CPNE5: variants seen among roughly 807,000 people sequenced by gnomAD.
CPNE5 encodes the protein copine-5.
CPNE5 carries 42 observed loss-of-function variants against 81.1 expected under a neutral mutation model. The ratio of observed to expected loss-of-function variants is 0.52; its 90% confidence interval spans 0.40 to 0.67. The LOEUF (loss-of-function observed/expected upper bound fraction) is 0.67, where lower values mean the gene tolerates loss of function less well. Ranked by LOEUF, CPNE5 falls within the 30% of genes least tolerant of loss-of-function variation. CPNE5 has a pLI of 0.00. For synonymous variants in CPNE5, 313 were observed against 321.5 expected, an observed-to-expected ratio of 0.97 and a Z score of 0.28; for missense variants, 612 against 815.5, an observed-to-expected ratio of 0.75 and a Z score of 3.04.
chr6:36,744,461 C>T (rs1055029558), intron 18 of CPNE5, 136 bp from the exon 19 acceptor site: 23 of 703,688 alleles, frequency 3.3e-5, no homozygotes, highest in Non-Finnish European at 5.3e-5. Flanking sequence ...GACAGAGAAA[C>T]ACAGAAAAGG....
At chr6:36,822,008 G>T in intron 3 of CPNE5, 106 bp downstream of exon 3, 1 of 1,039,498 alleles carries the variant, frequency 9.6e-7, no homozygotes, top group Non-Finnish European at 1.4e-6. Flanking sequence ...AGCGGGGCTT[G>T]GATGCTGCAG....
chr6:36,765,439 G>A, intron 10 of CPNE5, 63 bp from the exon 11 acceptor site: 2 of 1,596,240 alleles, frequency 1.3e-6, no homozygotes, highest in Non-Finnish European at 1.7e-6. Flanking sequence ...TGAGGATGGG[G>A]CCCTCTTCAT....
At chr6:36,743,269 TTGC>T (rs1316563023) in intron 20 of CPNE5, 1 of 983,368 alleles carries the variant, frequency 1.0e-6, no homozygotes, top group Non-Finnish European at 1.2e-6. Flanking sequence ...CTCATTATAT[TTGC>T]ACCGTTCATG....
rs1163633243 is a variant in CPNE5 at position 36,820,335 on chromosome 6, C to CTTT, written c.183+1776_183+1778dup. 8.3e-3 allele frequency among the ~76,000 whole-genome samples: 764 copies of CTTT among 92,376 alleles called. 18 individuals are homozygous for CTTT. Among genetic ancestry groups the CTTT allele is most frequent in the East Asian group, 8.8e-3 (26 of 2,938 alleles). 60.6% of individuals were successfully genotyped at this position (92,376 alleles called of 152,430 possible). The stretch of plus-strand genomic sequence containing the variant: ...GCCCAGCTTCCTTTCCTAATCCATT[C>CTTT]TTTTTTTTTTTTTTTTTTTTTTTTG... On this transcript the variant is annotated intron_variant, in intron 3 of 20. Coordinates refer to ENST00000244751, the MANE Select transcript of CPNE5 (RefSeq NM_020939.2).
chr6:36,809,198 AGAGAGAGAGAGAG>A (rs1681104256), intron 3 of CPNE5, among the ~76,000 whole-genome samples: 1 of 149,840 alleles, frequency 6.7e-6, no homozygotes, highest in Non-Finnish European at 1.5e-5. Context: ...GCCCCTACGC[AGAGAGAGAGAGAG>A]GAGAGAGAGA....
intron 12 of CPNE5, chr6:36,757,396 T>C (rs1012491288): frequency 2.0e-6 from 2 of 983,874 alleles, no homozygotes; most frequent in Non-Finnish European, 2.4e-6. Flanking sequence ...TGGGTGAGTA[T>C]TGCTATCTAC....
intron 4 of CPNE5, among the ~76,000 whole-genome samples, chr6:36,799,174 G>C (rs1306390900): frequency 1.3e-5 from 2 of 152,070 alleles, no homozygotes; most frequent in Admixed American, 1.3e-4. Flanking sequence ...GCCATGCCAG[G>C]CCCAGATGAC....
chr6:36,780,112 C>T (rs236416), intron 8 of CPNE5, among the ~76,000 whole-genome samples: 68,287 of 151,792 alleles, frequency 0.45, 15,595 homozygotes, highest in East Asian at 0.59. Context: ...TACAGGCGCC[C>T]GCCACCACAC....
intron 19 of CPNE5, 121 bp from the exon 20 acceptor site, chr6:36,743,883 C>T: frequency 2.3e-6 from 2 of 865,772 alleles, no homozygotes; most frequent in South Asian, 2.9e-5. Context: ...CTGGCCCATG[C>T]CCCGTGTTAG....
chr6:36,787,367 G>A (rs1337306182), intron 8 of CPNE5, among the ~76,000 whole-genome samples: 3 of 152,072 alleles, frequency 2.0e-5, no homozygotes, highest in Non-Finnish European at 2.9e-5. Context: ...TCATCTTTCC[G>A]ATTCCTCATC....
chr6:36,790,698 C>T (rs889368069), intron 8 of CPNE5, among the ~76,000 whole-genome samples: 2 of 152,078 alleles, frequency 1.3e-5, no homozygotes, highest in African/African-American at 2.4e-5. Context: ...CTCTGCCTGC[C>T]GGGCCCAACT....
intron 8 of CPNE5, among the ~76,000 whole-genome samples, chr6:36,789,032 C>T (rs1349742049): frequency 3.0e-4 from 46 of 152,204 alleles, no homozygotes; most frequent in Admixed American, 3.0e-3. Flanking sequence ...GATCCTCCCA[C>T]TGAATGCTGA....
At chr6:36,764,942 C>T (rs925561033) in intron 11 of CPNE5, among the ~76,000 whole-genome samples, 3 of 147,350 alleles carry the variant, frequency 2.0e-5, no homozygotes, top group African/African-American at 5.0e-5. Context: ...AGTCTTCACG[C>T]GGAAAATGTG....
chr6:36,748,119 G>A (rs1764387710), intron 15 of CPNE5, 102 bp downstream of exon 15: 1 of 1,050,016 alleles, frequency 9.5e-7, no homozygotes, highest in Non-Finnish European at 1.5e-6. Context: ...GTGAGGAAGA[G>A]GCCAGAGAGT....
upstream of CPNE5, chr6:36,839,561 G>T (rs1484351956): frequency 2.0e-5 from 10 of 501,128 alleles, no homozygotes; most frequent in Non-Finnish European, 3.5e-5. This position sits in a 1 kb window ranked among gnomAD's most constrained non-coding sequence, Gnocchi z 7.3. Context: ...GGGAGCGGGG[G>T]CCGCGGATCG....
At chr6:36,774,168 G>A (rs576131302) in intron 10 of CPNE5, among the ~76,000 whole-genome samples, 1 of 151,706 alleles carries the variant, frequency 6.6e-6, no homozygotes, top group South Asian at 2.1e-4. Context: ...TGCATTGCTT[G>A]AGCCCAGGAG....
At chr6:36,812,453 G>A (rs907080221) in intron 3 of CPNE5, among the ~76,000 whole-genome samples, 1 of 152,182 alleles carries the variant, frequency 6.6e-6, no homozygotes, top group African/African-American at 2.4e-5. Flanking sequence ...GCACAGGCAG[G>A]CACTGCTAAG....
At chr6:36,775,790 A>G (rs1250206889) in intron 9 of CPNE5, among the ~76,000 whole-genome samples, 1 of 152,078 alleles carries the variant, frequency 6.6e-6, no homozygotes, top group Non-Finnish European at 1.5e-5. Flanking sequence ...GTCTGTCACT[A>G]AAATGTAAGT....
chr6:36,774,220 A>G (rs1415108612), intron 10 of CPNE5, among the ~76,000 whole-genome samples: 1 of 152,128 alleles, frequency 6.6e-6, no homozygotes, highest in Non-Finnish European at 1.5e-5. Context: ...CAGTCTCTAC[A>G]AAAATAAAAA....
Sources: gnomAD v4.1 joint callset for allele counts (sites outside exome capture counted in the v4.1 genomes callset) on GRCh38, gnomAD v4.1.1 for gene constraint, Gnocchi (gnomAD v3.1) non-coding constraint, MANE v1.5 for transcripts, NCBI Gene and HGNC (gene_info 2026-07-23, HGNC 2026-07-21) for gene names.